DZIP1L: variants seen among roughly 807,000 people sequenced by gnomAD.
DZIP1L encodes the protein DAZ interacting zinc finger protein 1 like.
DZIP1L carries 90 observed loss-of-function variants against 88.7 expected under a neutral mutation model. The observed-to-expected ratio is 1.02, with a 90% CI of 0.86 to 1.21. The LOEUF (loss-of-function observed/expected upper bound fraction) is 1.21, where lower values mean the gene tolerates loss of function less well. DZIP1L is among the 50% of genes most tolerant of loss of function. DZIP1L has a pLI of 0.00. For synonymous variants in DZIP1L, 363 were observed against 372.1 expected, an observed-to-expected ratio of 0.98 and a Z score of 0.28; for missense variants, 932 against 955.8, an observed-to-expected ratio of 0.98 and a Z score of 0.33.
intron 2 of DZIP1L, chr3:138,101,393 C>T: frequency 2.9e-6 from 2 of 685,878 alleles, no homozygotes; most frequent in Non-Finnish European, 5.2e-6. Flanking sequence ...CTCCCGTTCC[C>T]TGTGCTACCC....
chr3:138,102,719 T>G, intron 2 of DZIP1L: 1 of 813,954 alleles, frequency 1.2e-6, no homozygotes, highest in Non-Finnish European at 2.2e-6. Flanking sequence ...TGGTTGACAG[T>G]GATGGCAGTG....
intron 2 of DZIP1L, among the ~76,000 whole-genome samples, chr3:138,100,911 T>C (rs2107836366): frequency 1.3e-5 from 2 of 152,302 alleles, no homozygotes; most frequent in Middle Eastern, 6.8e-3. Flanking sequence ...GGAAATGAAC[T>C]GTCACTTGGT....
intron 2 of DZIP1L, chr3:138,101,768 C>T (rs949766040): frequency 7.6e-6 from 8 of 1,049,778 alleles, no homozygotes; most frequent in Non-Finnish European, 9.0e-6. Context: ...CTATAGGTGG[C>T]GATCTTGATG....
intron 7 of DZIP1L, among the ~76,000 whole-genome samples, chr3:138,086,154 G>A (rs1173372529): frequency 6.6e-6 from 1 of 151,468 alleles, no homozygotes; most frequent in Non-Finnish European, 1.5e-5. Context: ...TATACCTAAT[G>A]CTAAATGACA....
At chr3:138,103,030 C>T in intron 2 of DZIP1L, 1 of 439,996 alleles carries the variant, frequency 2.3e-6, no homozygotes, top group Non-Finnish European at 4.2e-6. Context: ...ATACATGCTC[C>T]AGAGTTGTAT....
rs2042385354 is a variant in DZIP1L at position 138,103,475 on chromosome 3, T to G, written c.497A>C (p.His166Pro). 6.3e-7 allele frequency: 1 copy of G among 1,598,172 alleles called. No individual in the cohort carries two copies. The highest frequency in any genetic ancestry group is 8.5e-7 in the Non-Finnish European group (1 of 1,170,254). The change falls in exon 2 of 16, where the codon CAC becomes CCC. Residue 166 changes from histidine to proline, a missense_variant. Coordinates refer to ENST00000327532, the MANE Select transcript of DZIP1L (RefSeq NM_173543.3). ...LLMQTGTHSY[H>P]TCHLCDKTFM... ...TGCCTGGTGGAGATTCCTCACCGTG[T>G]GGTAGCTGTGGGTGCCTGTCTGCAT...
At chr3:138,097,573 C>T (rs776236390) in intron 3 of DZIP1L, among the ~76,000 whole-genome samples, 190 bp downstream of exon 3, 8 of 152,312 alleles carry the variant, frequency 5.3e-5, no homozygotes, top group Admixed American at 1.3e-4. Flanking sequence ...CTTCTTTACA[C>T]GTGGGGTCAG....
Position 138,069,621 on chromosome 3 carries a change from A to C in DZIP1L, c.1616-1254T>G, listed in dbSNP as rs1457487700. On this transcript the variant is annotated intron_variant, in intron 12 of 15. Coordinates refer to ENST00000327532, the MANE Select transcript of DZIP1L (RefSeq NM_173543.3). ...CCATGACTGTGTACCAGATACTAAG[A>C]AAAGCACTTTACATACAACCACTTG... 2.6e-5 allele frequency among the ~76,000 whole-genome samples: 4 copies of C among 152,212 alleles called. No homozygotes were observed. The East Asian group carries it at 5.8e-4, about 22-fold the overall frequency.
At chr3:138,108,805 C>A (rs1332832414) in intron 1 of DZIP1L, among the ~76,000 whole-genome samples, 2 of 152,096 alleles carry the variant, frequency 1.3e-5, no homozygotes, top group Non-Finnish European at 2.9e-5. Flanking sequence ...TGAAAGAAAC[C>A]ACAGTACATG....
At chr3:138,082,351 T>C (rs1311687157) in intron 8 of DZIP1L, among the ~76,000 whole-genome samples, 1 of 152,190 alleles carries the variant, frequency 6.6e-6, no homozygotes, top group Non-Finnish European at 1.5e-5. Flanking sequence ...GGCAAAGAGC[T>C]CTGGACTGGT....
chr3:138,068,068 C>T lies in DZIP1L; in HGVS notation c.1832+83G>A. The T allele has an allele frequency of 3.2e-6, 4 of 1,252,254 alleles. No homozygotes were observed. In the South Asian group the frequency reaches 5.9e-5, roughly 19 times the overall value. The allele number at this position is 1,252,254 out of a possible 1,614,324, so 77.6% of individuals were successfully genotyped here. Reference sequence around the variant, plus strand: ...TCTGCCCCCCTCCTATCTGCAGAAGCCTGGAGGGAGCCCAGAACAGGACTG... The same window carrying T: ...TCTGCCCCCCTCCTATCTGCAGAAGTCTGGAGGGAGCCCAGAACAGGACTG... On this transcript the variant is annotated intron_variant, in intron 13 of 15. Coordinates refer to ENST00000327532, the MANE Select transcript of DZIP1L (RefSeq NM_173543.3).
intron 12 of DZIP1L, chr3:138,069,291 T>C (rs779532021): frequency 1.5e-5 from 7 of 460,210 alleles, no homozygotes; most frequent in Non-Finnish European, 2.3e-5. Flanking sequence ...TAGCTTACTT[T>C]ATTGTAATAA....
At chr3:138,088,307 T>G in intron 6 of DZIP1L, 72 bp downstream of exon 6, 1 of 1,498,856 alleles carries the variant, frequency 6.7e-7, no homozygotes, top group Non-Finnish European at 8.9e-7. Context: ...CATTCATAAA[T>G]GAGAGAATAT....
At chr3:138,089,874 C>T (rs750398221) in intron 5 of DZIP1L, among the ~76,000 whole-genome samples, 66 of 151,976 alleles carry the variant, frequency 4.3e-4, no homozygotes, top group Non-Finnish European at 5.7e-4. Context: ...ATGGGCCAAG[C>T]GCAGTGACTC....
intron 6 of DZIP1L, 141 bp downstream of exon 6, chr3:138,088,238 T>C (rs1944036485): frequency 7.3e-6 from 9 of 1,226,754 alleles, no homozygotes; most frequent in Non-Finnish European, 9.7e-6. Flanking sequence ...TATTCTATGC[T>C]TTCATGTACT....
In DZIP1L at chr3:138,068,226, TG is replaced by T. The variant is rs1256761535; in HGVS notation, c.1756del (p.Gln586ArgfsTer25). On this transcript the variant is annotated frameshift_variant, in exon 13 of 16. Transcript: ENST00000327532. LOFTEE classifies it high-confidence loss of function. ...SHGSHGSSLTQVSAPAPRPGL... is the reference protein window; with the variant it reads ...SHGSHGSSLTXVSAPAPRPGL... The stretch of plus-strand genomic sequence containing the variant: ...GGGGCGTGGAGCGGGGGCGGACACC[TG>T]GGTCAGGCTGGAGCCATGGCTGCCA... 1 of 1,593,912 alleles carries T rather than the reference TG, an allele frequency of 6.3e-7. No individual in the cohort carries two copies. The highest frequency in any genetic ancestry group is 8.5e-7 in the Non-Finnish European group (1 of 1,169,592).
intron 2 of DZIP1L, among the ~76,000 whole-genome samples, chr3:138,099,850 C>G (rs1254985454): frequency 6.6e-6 from 1 of 152,204 alleles, no homozygotes; most frequent in Admixed American, 6.5e-5. Context: ...TTGAACCTTC[C>G]AGCCAGCAGA....
intron 8 of DZIP1L, chr3:138,081,967 T>A (rs987119305): frequency 2.1e-6 from 1 of 466,740 alleles, no homozygotes; most frequent in Non-Finnish European, 3.8e-6. Context: ...AATGGCAGCA[T>A]GCTCCATTTT....
intron 8 of DZIP1L, among the ~76,000 whole-genome samples, chr3:138,082,720 T>C (rs558477307): frequency 7.9e-5 from 12 of 152,220 alleles, no homozygotes; most frequent in Non-Finnish European, 1.8e-4. Flanking sequence ...CCCACTGCTG[T>C]CTCCTTTGCC....
Sources: gnomAD v4.1 joint callset for allele counts (sites outside exome capture counted in the v4.1 genomes callset) on GRCh38, gnomAD v4.1.1 for gene constraint, MANE v1.5 for transcripts, NCBI Gene and HGNC (gene_info 2026-07-23, HGNC 2026-07-21) for gene names.